TAF1: variants seen among roughly 807,000 people sequenced by gnomAD.
TAF1 encodes TATA-box binding protein associated factor 1, also known as transcription initiation factor TFIID subunit 1.
Under a neutral mutation model 138.5 loss-of-function variants are expected in TAF1, and 2 were observed. The observed-to-expected ratio is 0.01, with a 90% CI of 0.01 to 0.05. TAF1 has a LOEUF of 0.05. Among genes scored for constraint, TAF1 ranks in the 10% least tolerant of loss-of-function variants. The pLI is 1.00. For missense variants in TAF1, 709 were observed against 1,478.0 expected, an observed-to-expected ratio of 0.48 and a Z score of 8.53; for synonymous variants, 437 against 503.2, an observed-to-expected ratio of 0.87 and a Z score of 1.76.
downstream of TAF1, chrX:71,466,312 T>A (rs1473540793): frequency 1.8e-5 from 2 of 111,051 alleles, no homozygotes; most frequent in Non-Finnish European, 3.8e-5. Flanking sequence ...AGTGGTGTGA[T>A]CTCGGCTCAC....
intron 32 of TAF1, among the ~76,000 whole-genome samples, chrX:71,444,195 A>G (rs767362630): frequency 1.8e-5 from 2 of 110,564 alleles, no homozygotes; most frequent in Non-Finnish European, 3.8e-5. Flanking sequence ...TTTAGTAGAG[A>G]CGGGGTTTTG....
At chrX:71,468,667 A>G (rs2038817665), downstream of TAF1, among the ~76,000 whole-genome samples, 1 of 103,716 alleles carries the variant, frequency 9.6e-6, no homozygotes, top group African/African-American at 3.6e-5. Flanking sequence ...CCTGGGCGAC[A>G]AAGTGAGACT....
intron 32 of TAF1, among the ~76,000 whole-genome samples, chrX:71,452,426 T>C (rs1467264397): frequency 2.2e-4 from 23 of 103,187 alleles, no homozygotes; most frequent in Middle Eastern, 5.6e-3. Flanking sequence ...CCAGACGGGG[T>C]GGCGGGGCAG....
chrX:71,427,712 A>G (rs994121740), intron 32 of TAF1, among the ~76,000 whole-genome samples: 3 of 111,197 alleles, frequency 2.7e-5, no homozygotes, highest in Non-Finnish European at 5.7e-5. Flanking sequence ...GCTGAGGCAG[A>G]TAGATCACCT....
intron 34 of TAF1, among the ~76,000 whole-genome samples, chrX:71,455,337 G>A (rs1249948262): frequency 9.0e-6 from 1 of 111,692 alleles, no homozygotes; most frequent in Non-Finnish European, 1.9e-5. Context: ...AATGAAGAAA[G>A]GTAGTATTAA....
chrX:71,370,678 G>A (rs919747048), intron 3 of TAF1, among the ~76,000 whole-genome samples: 3 of 111,396 alleles, frequency 2.7e-5, no homozygotes, highest in African/African-American at 6.5e-5. Flanking sequence ...GAAGTTGCTC[G>A]TTATTTATTC....
intron 32 of TAF1, among the ~76,000 whole-genome samples, chrX:71,452,582 C>T (rs2038060851): frequency 9.3e-6 from 1 of 107,969 alleles, no homozygotes; most frequent in Non-Finnish European, 1.9e-5. Flanking sequence ...CCAGTCTGGG[C>T]AGCCAGGCAG....
chrX:71,464,514 G>A lies in TAF1; in HGVS notation c.*468G>A. 1 of 282,547 alleles carries A rather than the reference G, an allele frequency of 3.5e-6. No individual in the cohort carries two copies. The highest frequency in any genetic ancestry group is 6.2e-6 in the Non-Finnish European group (1 of 161,350). 23.3% of individuals were successfully genotyped at this position (282,547 alleles called of 1,213,427 possible). A position where few individuals can be genotyped will look rare whatever the true frequency, so the allele number is the denominator to read the frequency against. ...GAGGTCAGAAGTTCGAGACCAGCTT[G>A]GCCAACATGGCGAAACCGCATCTCT... On this transcript the variant is annotated 3_prime_UTR_variant, in exon 38 of 38. Coordinates refer to ENST00000423759, the MANE Select transcript of TAF1 (RefSeq NM_004606.5).
intron 8 of TAF1, among the ~76,000 whole-genome samples, chrX:71,381,440 T>C (rs2033884757): frequency 9.0e-6 from 1 of 111,446 alleles, no homozygotes; most frequent in Admixed American, 9.6e-5. Context: ...AATTTTTGTA[T>C]TTTTTGTAAA....
chrX:71,505,991 G>A (rs1034618271), intron 13 of TAF1, among the ~76,000 whole-genome samples: 2 of 108,570 alleles, frequency 1.8e-5, no homozygotes, highest in African/African-American at 3.4e-5. Flanking sequence ...CTGCACTCCA[G>A]CCCAGGCGAC....
intron 32 of TAF1, chrX:71,441,694 T>C (rs767643643): frequency 6.0e-5 from 18 of 297,614 alleles, no homozygotes; most frequent in Middle Eastern, 5.0e-4. Context: ...TCTTTTTTTT[T>C]TCTAGGGTAC....
chrX:71,423,022 G>A (rs1378939350), intron 29 of TAF1, 95 bp from the exon 30 acceptor site: 13 of 1,129,869 alleles, frequency 1.2e-5, no homozygotes, highest in East Asian at 3.1e-5. Flanking sequence ...GATTACAGGC[G>A]TGAGCCACCA....
intron 22 of TAF1, among the ~76,000 whole-genome samples, chrX:71,394,671 A>T (rs1046168035): frequency 2.7e-5 from 3 of 112,403 alleles, no homozygotes; most frequent in Non-Finnish European, 5.6e-5. Flanking sequence ...TCATTCTGTC[A>T]CCCAGGCTGG....
rs749660124 is a variant in TAF1, at chrX:71,398,348, A to G, written c.3621-224A>G. On this transcript the variant is annotated intron_variant, in intron 23 of 37. Coordinates refer to ENST00000423759, the MANE Select transcript of TAF1 (RefSeq NM_004606.5). ...GGGAGACTCCGTCTCAAGAAAGAAAAAAAAAAAAAAACCTTAGAGATTACT... is the reference window on the plus strand; with the variant it reads ...GGGAGACTCCGTCTCAAGAAAGAAAGAAAAAAAAAAACCTTAGAGATTACT... 1.5e-3 allele frequency among the ~76,000 whole-genome samples: 162 copies of G among 111,097 alleles called. 1 individual carries two copies. Among genetic ancestry groups the G allele is most frequent in the African/African-American group, 4.8e-3 (147 of 30,545 alleles).
chrX:71,501,739 T>C (rs1230209800), intron 13 of TAF1, among the ~76,000 whole-genome samples: 2 of 111,630 alleles, frequency 1.8e-5, no homozygotes, highest in Non-Finnish European at 3.8e-5. Context: ...TACAGAGCCC[T>C]TTCCCAGAAA....
chrX:71,440,611 T>TA (rs904866300), intron 32 of TAF1, among the ~76,000 whole-genome samples: 1 of 109,734 alleles, frequency 9.1e-6, no homozygotes, highest in African/African-American at 3.3e-5. Flanking sequence ...TCGTCACACT[T>TA]ACGTCATCAT....
chrX:71,402,560 C>A (rs1457845376), intron 25 of TAF1, among the ~76,000 whole-genome samples: 1 of 112,201 alleles, frequency 8.9e-6, no homozygotes, highest in Non-Finnish European at 1.9e-5. Context: ...TAATAAAGGA[C>A]CATCCCAAAA....
chrX:71,408,177 C>T, intron 28 of TAF1, 26 bp downstream of exon 28: 1 of 1,205,253 alleles, frequency 8.3e-7, no homozygotes, highest in Non-Finnish European at 1.1e-6. Context: ...TCCGTGATTG[C>T]AAAGGTCACT....
In TAF1 at chrX:71,387,384, G is replaced by A. The variant is rs2034291409; in HGVS notation, c.2350G>A (p.Gly784Ser). The change falls in exon 15 of 38, where the codon GGC (glycine) becomes AGC (serine). Residue 784 changes from glycine (G) to serine (S), a missense_variant. Transcript: ENST00000423759. ...IRELVDIFVVGQQCPLFEVPG... is the reference protein window; with the variant it reads ...IRELVDIFVVSQQCPLFEVPG... ...GGAATTAGTGGATATTTTTGTGGTT[G>A]GCCAGCAGTGTCCCTTGTTTGAAGT... 8.3e-7 allele frequency: 1 copy of A among 1,210,381 alleles called. No homozygotes were observed.
Sources: allele counts gnomAD v4.1 joint callset (sites outside exome capture counted in the v4.1 genomes callset), GRCh38; gene constraint gnomAD v4.1.1; transcripts MANE v1.5; gene names NCBI Gene and HGNC (gene_info 2026-07-23, HGNC 2026-07-21).